The following POT1 variants were observed in gnomAD, a reference collection of about 807,000 sequenced individuals.
POT1 encodes the protein protection of telomeres protein 1.
In POT1, 47 loss-of-function variants were observed where a neutral mutation model predicts 78.5. That is an observed-to-expected ratio of 0.60 (90% CI 0.47 to 0.76). POT1 has a LOEUF of 0.76. Ranked by LOEUF, POT1 falls within the 30% of genes least tolerant of loss-of-function variation. The pLI is 0.00. For synonymous variants in POT1, 259 were observed against 260.7 expected (o/e 0.99, Z 0.06); for missense variants, 646 against 749.9 (o/e 0.86, Z 1.62).
At chr7:124,929,651 A>G (rs1185328812) in intron 1 of POT1, 143 bp downstream of exon 1, 2 of 152,202 alleles carry the variant, frequency 1.3e-5, no homozygotes, top group Non-Finnish European at 2.9e-5. Context: ...TGCTGAACAC[A>G]GCAGGCTCGA....
At chr7:124,916,236 A>G (rs1797011482) in intron 2 of POT1, among the ~76,000 whole-genome samples, 1 of 152,148 alleles carries the variant, frequency 6.6e-6, no homozygotes, top group African/African-American at 2.4e-5. Flanking sequence ...AATATTCCAG[A>G]CTTTGATATA....
At chr7:124,874,450 A>G (rs549450319) in intron 6 of POT1, among the ~76,000 whole-genome samples, 7 of 152,234 alleles carry the variant, frequency 4.6e-5, no homozygotes, top group Non-Finnish European at 8.8e-5. Flanking sequence ...AAATTACCAG[A>G]CATTAGAATA....
At chr7:124,844,659 C>T (rs1435825962) in intron 12 of POT1, among the ~76,000 whole-genome samples, 5 of 147,994 alleles carry the variant, frequency 3.4e-5, no homozygotes, top group Admixed American at 2.0e-4. Flanking sequence ...GGCGTGAACC[C>T]GGAAGGCAGA....
rs146054949 is a variant in POT1, at chr7:124,917,729, C to A, written c.-226-2083G>T. Among the ~76,000 whole-genome samples, 761 of 152,208 alleles carry A rather than the reference C, an allele frequency of 5.0e-3. 9 individuals carry two copies. Among genetic ancestry groups the A allele is most frequent in the African/African-American group, 0.017 (698 of 41,518 alleles). On this transcript the variant is annotated intron_variant, in intron 2 of 18. Transcript: ENST00000357628. ...TATGTGATCCAACTAGAAGAAAAGT[C>A]TCAGAGTAGAGGGGATAATCAGAAA...
chr7:124,835,648 C>T (rs1562978094), intron 14 of POT1, among the ~76,000 whole-genome samples: 1 of 152,082 alleles, frequency 6.6e-6, no homozygotes, highest in Admixed American at 6.6e-5. Context: ...GAAATTTTAA[C>T]CAACTTCTTA....
chr7:124,851,129 A>T (rs1795297032), intron 11 of POT1, among the ~76,000 whole-genome samples: 1 of 152,062 alleles, frequency 6.6e-6, no homozygotes, highest in Non-Finnish European at 1.5e-5. Flanking sequence ...ATAAAAAATT[A>T]AAAAATTAAG....
chr7:124,852,258 G>C (rs1795329046), intron 10 of POT1, among the ~76,000 whole-genome samples: 1 of 152,044 alleles, frequency 6.6e-6, no homozygotes, highest in African/African-American at 2.4e-5. Context: ...AGCTAAATAT[G>C]ATATTAAAAA....
intron 2 of POT1, among the ~76,000 whole-genome samples, chr7:124,922,386 C>T (rs1482026790): frequency 6.6e-6 from 1 of 151,986 alleles, no homozygotes; most frequent in Admixed American, 6.6e-5. Flanking sequence ...AAAGATGACT[C>T]ATTGTTTAAA....
chr7:124,887,730 C>T (rs1796280494), intron 6 of POT1, among the ~76,000 whole-genome samples: 1 of 151,918 alleles, frequency 6.6e-6, no homozygotes. Flanking sequence ...GCATTTTTCC[C>T]TTCTGAATGA....
intron 2 of POT1, among the ~76,000 whole-genome samples, chr7:124,918,970 A>G (rs1303173450): frequency 2.0e-5 from 3 of 152,122 alleles, no homozygotes; most frequent in East Asian, 1.9e-4. Context: ...TGAGAATAAT[A>G]TAATTATGTG....
In POT1 at chr7:124,903,208, T is replaced by C. The variant is rs565771507; in HGVS notation, c.-153-4834A>G. The stretch of plus-strand genomic sequence containing the variant: ...CATCTACAGAACTCTCCACTCCAAA[T>C]CAACAGAATATACATTCTTCTCAGC... On this transcript the variant is annotated intron_variant, in intron 3 of 18. Transcript: ENST00000357628. 2.6e-5 allele frequency among the ~76,000 whole-genome samples: 4 copies of C among 152,228 alleles called. No homozygotes were observed. The East Asian group carries it at 7.7e-4, about 29-fold the overall frequency.
At chr7:124,848,887 A>G (rs1795236409) in intron 11 of POT1, among the ~76,000 whole-genome samples, 1 of 152,192 alleles carries the variant, frequency 6.6e-6, no homozygotes, top group Admixed American at 6.5e-5. Context: ...GAAATTTAAT[A>G]GAATGACCAA....
chr7:124,829,236 C>A lies in POT1; in HGVS notation c.1594+18G>T. On this transcript the variant is annotated intron_variant, in intron 16 of 18. Transcript: ENST00000357628. ...TAAACAAACAGTTAAAATTGCAGGG[C>A]ATGGAAATTTAGCTAACCTTCTGCC... 1 of 1,518,354 alleles carries A rather than the reference C, an allele frequency of 6.6e-7. No homozygotes were observed. Among genetic ancestry groups the A allele is most frequent in the Admixed American group, 1.7e-5 (1 of 58,528 alleles). The allele number at this position is 1,518,354 out of a possible 1,614,324, so 94.1% of individuals were successfully genotyped here.
intron 13 of POT1, among the ~76,000 whole-genome samples, chr7:124,842,535 G>A (rs1476705834): frequency 6.6e-6 from 1 of 151,838 alleles, no homozygotes; most frequent in African/African-American, 2.4e-5. Context: ...AAATGAGTCT[G>A]CCCAAATATA....
At chr7:124,897,971 G>A (rs938415366) in intron 4 of POT1, among the ~76,000 whole-genome samples, 8 of 151,936 alleles carry the variant, frequency 5.3e-5, no homozygotes, top group African/African-American at 1.4e-4. Flanking sequence ...GTAGAACAAA[G>A]TGCCTGATGG....
chr7:124,920,167 C>T (rs1797114619), intron 2 of POT1, among the ~76,000 whole-genome samples: 1 of 152,006 alleles, frequency 6.6e-6, no homozygotes, highest in Non-Finnish European at 1.5e-5. Flanking sequence ...GCATTATTCA[C>T]CATCACAAAA....
chr7:124,840,604 T>A (rs1298359291), intron 14 of POT1: 1 of 155,136 alleles, frequency 6.4e-6, no homozygotes, highest in Non-Finnish European at 1.4e-5. Flanking sequence ...TTTCACCCTA[T>A]TTCTATGAAA....
intron 8 of POT1, among the ~76,000 whole-genome samples, chr7:124,861,730 G>A (rs529454761): frequency 2.6e-4 from 39 of 152,248 alleles, no homozygotes; most frequent in Non-Finnish European, 5.0e-4. Context: ...GGTTTTTATG[G>A]TTTTAGGGCT....
chr7:124,876,848 A>G (rs1219935728), intron 6 of POT1, among the ~76,000 whole-genome samples: 1 of 152,218 alleles, frequency 6.6e-6, no homozygotes, highest in African/African-American at 2.4e-5. Flanking sequence ...TCTACTCTAC[A>G]TAGACTTTGT....
Sources: gnomAD v4.1 joint callset for allele counts (sites outside exome capture counted in the v4.1 genomes callset) on GRCh38, gnomAD v4.1.1 for gene constraint, MANE v1.5 for transcripts, NCBI Gene and HGNC (gene_info 2026-07-23, HGNC 2026-07-21) for gene names.